The following PDE1A variants were observed in gnomAD, a reference collection of about 807,000 sequenced individuals.
The protein encoded by PDE1A is phosphodiesterase 1A.
A neutral mutation model predicts 61.7 loss-of-function variants in PDE1A; 35 were observed. The observed-to-expected ratio is 0.57, with a 90% CI of 0.43 to 0.75. The LOEUF (loss-of-function observed/expected upper bound fraction) is 0.75. Ranked by LOEUF, PDE1A falls within the 30% of genes least tolerant of loss-of-function variation. The pLI is 0.00. For synonymous variants in PDE1A, 232 were observed against 213.2 expected (o/e 1.09, Z -0.77); for missense variants, 597 against 630.6 (o/e 0.95, Z 0.57).
At chr2:182,558,380 A>T in the PDE1A span, among the ~76,000 whole-genome samples, 1 of 152,142 alleles carries the variant, frequency 6.6e-6, no homozygotes, top group South Asian at 2.1e-4. Context: ...TAATATTCTC[A>T]TTTAATATAC....
At chr2:182,407,886 A>G (rs976060267) in intron 1 of PDE1A, among the ~76,000 whole-genome samples, 33 of 152,268 alleles carry the variant, frequency 2.2e-4, no homozygotes, top group Admixed American at 1.8e-3. Context: ...ACATGTATGT[A>G]TATGTTATAT....
At chr2:182,242,487 T>C (rs1444465883) in intron 2 of PDE1A, among the ~76,000 whole-genome samples, 1 of 152,230 alleles carries the variant, frequency 6.6e-6, no homozygotes, top group African/African-American at 2.4e-5. Flanking sequence ...AGGCAACAAC[T>C]ACCTCCGTGA....
intron 13 of PDE1A, among the ~76,000 whole-genome samples, chr2:182,171,799 C>G (rs1357327255): frequency 1.3e-5 from 2 of 151,216 alleles, no homozygotes; most frequent in Non-Finnish European, 3.0e-5. Context: ...TCTCTGAGAG[C>G]TGTTCCATAC....
chr2:182,410,352 A>G (rs1391689822), intron 1 of PDE1A, among the ~76,000 whole-genome samples: 1 of 152,160 alleles, frequency 6.6e-6, no homozygotes, highest in Non-Finnish European at 1.5e-5. Flanking sequence ...GGGTAACAGA[A>G]TAAGACTTTG....
At chr2:182,326,931 T>C (rs948338716) in intron 1 of PDE1A, among the ~76,000 whole-genome samples, 3 of 152,204 alleles carry the variant, frequency 2.0e-5, no homozygotes, top group African/African-American at 4.8e-5. Flanking sequence ...TTATTTGTAA[T>C]GTAAACAAGA....
At chr2:182,282,650 T>C (rs1693886163) in intron 1 of PDE1A, among the ~76,000 whole-genome samples, 1 of 152,010 alleles carries the variant, frequency 6.6e-6, no homozygotes, top group African/African-American at 2.4e-5. Flanking sequence ...TGAGTACCTA[T>C]ATATAATTCC....
intron 2 of PDE1A, among the ~76,000 whole-genome samples, chr2:182,461,689 C>T (rs989155227): frequency 1.3e-5 from 2 of 152,088 alleles, no homozygotes; most frequent in Admixed American, 6.6e-5. Context: ...ACAGGAAATA[C>T]GTAGGACCTA....
intron 2 of PDE1A, among the ~76,000 whole-genome samples, chr2:182,505,067 G>A (rs1689316932): frequency 6.6e-6 from 1 of 152,136 alleles, no homozygotes; most frequent in Non-Finnish European, 1.5e-5. Context: ...ACTGCAATTG[G>A]GAAACTTCAG....
chr2:182,515,832 G>A (rs1228312397), intron 2 of PDE1A, among the ~76,000 whole-genome samples: 3 of 152,148 alleles, frequency 2.0e-5, no homozygotes, highest in African/African-American at 7.2e-5. Flanking sequence ...TTTTGGGCAT[G>A]CAAGTCAGGG....
Position 182,205,883 on chromosome 2 carries a change from G to A in PDE1A, c.902+57C>T, listed in dbSNP as rs544719832. 1.3e-5 allele frequency: 19 copies of A among 1,468,860 alleles called. No individual in the cohort carries two copies. Among genetic ancestry groups the A allele is most frequent in the Middle Eastern group, 1.8e-4 (1 of 5,588 alleles). 91.0% of individuals were successfully genotyped at this position (1,468,860 alleles called of 1,614,324 possible). A position where few individuals can be genotyped will look rare whatever the true frequency, so the allele number is the denominator to read the frequency against. On this transcript the variant is annotated intron_variant, in intron 8 of 13. Coordinates refer to ENST00000351439, the Ensembl canonical transcript of PDE1A. ...TCATCTTTTTTCTTGACTTTAAATC[G>A]CATAATTTATTCCTTTCCTGAAATT...
At chr2:182,366,226 G>T (rs764993589) in intron 1 of PDE1A, among the ~76,000 whole-genome samples, 4 of 151,984 alleles carry the variant, frequency 2.6e-5, no homozygotes, top group Non-Finnish European at 4.4e-5. Flanking sequence ...AAAAGTTCCA[G>T]TATTAAAGAG....
chr2:182,312,756 T>C (rs1559326561), intron 1 of PDE1A, among the ~76,000 whole-genome samples: 1 of 152,136 alleles, frequency 6.6e-6, no homozygotes, highest in Non-Finnish European at 1.5e-5. Context: ...CGTTCTTCTT[T>C]TACAAATTTA....
At chr2:182,473,691 T>C (rs1687179740) in intron 2 of PDE1A, among the ~76,000 whole-genome samples, 1 of 152,046 alleles carries the variant, frequency 6.6e-6, no homozygotes, top group Non-Finnish European at 1.5e-5. Flanking sequence ...CCTCTATGTG[T>C]CCATGTGTTC....
intron 7 of PDE1A, among the ~76,000 whole-genome samples, chr2:182,218,241 G>T (rs1275049689): frequency 2.8e-5 from 4 of 142,860 alleles, no homozygotes; most frequent in Non-Finnish European, 6.1e-5. Flanking sequence ...GACACAGGAA[G>T]GGGAACATCA....
intron 8 of PDE1A, among the ~76,000 whole-genome samples, chr2:182,204,847 A>C (rs1395430420): frequency 6.6e-6 from 1 of 152,162 alleles, no homozygotes; most frequent in Non-Finnish European, 1.5e-5. Context: ...GTGTCTCCAA[A>C]AGAAAGTTCC....
intron 1 of PDE1A, among the ~76,000 whole-genome samples, chr2:182,377,084 C>A (rs548286992): frequency 6.6e-6 from 1 of 152,078 alleles, no homozygotes; most frequent in African/African-American, 2.4e-5. Context: ...TTTTAACCCA[C>A]GTGATTGGGT....
intron 1 of PDE1A, among the ~76,000 whole-genome samples, chr2:182,340,996 T>C (rs554709452): frequency 5.1e-4 from 77 of 152,346 alleles, no homozygotes; most frequent in Non-Finnish European, 8.5e-4. Context: ...CCTAGAAGCT[T>C]CGAAAGTGTA....
intron 1 of PDE1A, among the ~76,000 whole-genome samples, chr2:182,361,963 T>A (rs1283572369): frequency 6.6e-6 from 1 of 152,046 alleles, no homozygotes; most frequent in Non-Finnish European, 1.5e-5. Context: ...CAGTTTCAAC[T>A]GCAGGTCAGA....
the PDE1A span, among the ~76,000 whole-genome samples, chr2:182,709,416 T>A: frequency 6.6e-6 from 1 of 152,216 alleles, no homozygotes; most frequent in Non-Finnish European, 1.5e-5. Context: ...CTAATGCATG[T>A]ATTGAATACA....
Sources: gnomAD v4.1 joint callset for allele counts (sites outside exome capture counted in the v4.1 genomes callset) on GRCh38, gnomAD v4.1.1 for gene constraint, MANE v1.5 for transcripts, NCBI Gene and HGNC (gene_info 2026-07-23, HGNC 2026-07-21) for gene names.